The following ALKBH6 variants were observed in gnomAD, a reference collection of about 807,000 sequenced individuals.
The protein encoded by ALKBH6 is probable RNA/DNA demethylase ALKBH6.
A neutral mutation model predicts 25.1 loss-of-function variants in ALKBH6; 20 were observed. The ratio of observed to expected loss-of-function variants is 0.80; its 90% CI spans 0.56 to 1.16. The LOEUF (loss-of-function observed/expected upper bound fraction) is 1.16, where lower values mean the gene tolerates loss of function less well. Ranked by LOEUF, ALKBH6 falls within the 50% of genes most tolerant of loss-of-function variation. The pLI is 0.00. For synonymous variants in ALKBH6, 156 were observed against 147.5 expected (o/e 1.06, Z -0.42); for missense variants, 263 against 326.5 (o/e 0.81, Z 1.50).
At position 36,013,570 on chromosome 19, in the gene ALKBH6, C is replaced by G. The variant is rs181867974; in HGVS notation, c.-25-148G>C. ...TAAAATCTGAGTCTTCAGCATCTTA[C>G]AAGCCACACAGAGAGCCCCTACGTT... On this transcript the variant is annotated intron_variant, in intron 1 of 6. Transcript: ENST00000378875. The surrounding 1 kb of genome is among the most constrained non-coding windows in gnomAD (Gnocchi z 4.6). 5,842 of 1,447,554 alleles carry G rather than the reference C, an allele frequency of 4.0e-3. 28 individuals are homozygous for G. The highest frequency in any genetic ancestry group is 4.7e-3 in the Non-Finnish European group (5,224 of 1,102,746). 89.7% of individuals were successfully genotyped at this position (1,447,554 alleles called of 1,614,324 possible).
rs548004726 is a variant in ALKBH6 at position 36,011,268 on chromosome 19, C to T, written c.184+136G>A. On this transcript the variant is annotated intron_variant, in intron 4 of 6. Transcript: ENST00000378875. The stretch of plus-strand genomic sequence containing the variant: ...CTAATCCCTCAGGACCTCCACTGAC[C>T]CCTTCAGAATCCTCCTGGCTCTTGG... 5.0e-6 allele frequency: 6 copies of T among 1,195,674 alleles called. No homozygotes were observed. In the Admixed American group the frequency reaches 7.2e-5, roughly 14 times the overall value. 74.1% of individuals were successfully genotyped at this position (1,195,674 alleles called of 1,614,324 possible). A position where few individuals can be genotyped will look rare whatever the true frequency, so the allele number is the denominator to read the frequency against.
In ALKBH6 at chr19:36,013,293, C is replaced by A. The variant is rs189486293; in HGVS notation, c.54+51G>T. The A allele has an allele frequency of 7.6e-5, 123 of 1,607,866 alleles. No homozygotes were observed. The highest frequency in any genetic ancestry group is 1.0e-4 in the Non-Finnish European group (117 of 1,174,780). On this transcript the variant is annotated intron_variant, in intron 2 of 6. Coordinates refer to ENST00000378875, the MANE Select transcript of ALKBH6 (RefSeq NM_032878.5). This position sits in a 1 kb window ranked among gnomAD's most constrained non-coding sequence, Gnocchi z 4.6. ...GAAGGGGGCAGTCCCAACCCAAGAA[C>A]TCAGGAATCAGCCTGCCTCCTTCAC...
chr19:36,010,948 G>T lies in ALKBH6; in HGVS notation c.282C>A (p.Gly94=), dbSNP rs778366482. The T allele has an allele frequency of 3.1e-6, 5 of 1,614,094 alleles. No individual in the cohort carries two copies. The highest frequency in any genetic ancestry group is 4.2e-6 in the Non-Finnish European group (5 of 1,179,974). The part of the protein sequence containing the change: ...DKVSNLSLFG[G]LPANHVLVNQ... The stretch of plus-strand genomic sequence containing the variant: ...TCACGAGGACATGGTTAGCTGGGAG[G>T]CCTCCAAAGAGGCTGAGGTTTGACA... Residue 94 remains glycine, a synonymous_variant, in exon 5 of 7, where the codon GGC becomes GGA. Transcript: ENST00000378875. This position sits in a 1 kb window ranked among gnomAD's most constrained non-coding sequence, Gnocchi z 5.5.
chr19:36,012,187 C>A (rs563207909), intron 3 of ALKBH6: 1 of 152,416 alleles, frequency 6.6e-6, no homozygotes, highest in Non-Finnish European at 1.5e-5. Context: ...ATTCCTGATT[C>A]CTGGGCTCTC....
Position 36,009,434 on chromosome 19 carries a change from C to T in ALKBH6, c.573G>A (p.Ala191=), listed in dbSNP as rs1968517907. The T allele has an allele frequency of 6.4e-6, 8 of 1,244,604 alleles. No homozygotes were observed. In the East Asian group the frequency reaches 2.2e-4, roughly 34 times the overall value. 77.1% of individuals were successfully genotyped at this position (1,244,604 alleles called of 1,614,324 possible). A position where few individuals can be genotyped will look rare whatever the true frequency, so the allele number is the denominator to read the frequency against. ...TGGGCGGCGAGGAGGCGGCGTCCAG[C>T]GCGTCTACGCGGGCGGCGGCGATGC... The part of the protein sequence containing the change: ...LHGIAAARVD[A]LDAASSPPNA... Residue 191 remains alanine, a synonymous_variant, in exon 7 of 7, where the codon GCG becomes GCA. Coordinates refer to ENST00000378875, the MANE Select transcript of ALKBH6 (RefSeq NM_032878.5).
At position 36,010,810 on chromosome 19, in the gene ALKBH6, GA is replaced by G; in HGVS notation, c.336+83del. ...TGTTTGGGAGATGTGGCTGCCTAAT[GA>G]GTGAGGGTGGGTACAGAGTCCCCTG... is the stretch of plus-strand genomic sequence containing the variant. On this transcript the variant is annotated intron_variant, in intron 5 of 6. Transcript: ENST00000378875. The surrounding 1 kb of genome is among the most constrained non-coding windows in gnomAD (Gnocchi z 5.5). The G allele has an allele frequency of 6.3e-7, 1 of 1,581,374 alleles. No individual in the cohort carries two copies. Among genetic ancestry groups the G allele is most frequent in the Non-Finnish European group, 8.7e-7 (1 of 1,151,336 alleles).
At chr19:36,009,851 G>A (rs1393461082) in intron 6 of ALKBH6, among the ~76,000 whole-genome samples, 1 of 152,070 alleles carries the variant, frequency 6.6e-6, no homozygotes, top group Non-Finnish European at 1.5e-5. Context: ...ATCTCAAAGG[G>A]GCTGAGGCTG....
chr19:36,010,591 T>G lies in ALKBH6; in HGVS notation c.429A>C (p.Pro143=). ...CCTGTTCTGTAGGGTCATCGTCCTC[T>G]GGCCGCCGCGGCTCGTAGAAGTCCA... ...TVLDFYEPRR[P]EDDDPTEQPR... The change falls in exon 6 of 7, where the codon CCA becomes CCC. Residue 143 remains proline, a synonymous_variant. Transcript: ENST00000378875. The surrounding 1 kb of genome is among the most constrained non-coding windows in gnomAD (Gnocchi z 5.5). The G allele has an allele frequency of 1.2e-6, 2 of 1,613,994 alleles. No homozygotes were observed. Among genetic ancestry groups the G allele is most frequent in the Non-Finnish European group, 1.7e-6 (2 of 1,179,898 alleles).
intron 3 of ALKBH6, chr19:36,012,236 T>C (rs1968630514): frequency 6.6e-6 from 1 of 152,234 alleles, no homozygotes; most frequent in Non-Finnish European, 1.5e-5. Flanking sequence ...TTGTTCCTAT[T>C]GCCTGGGGGA....
In ALKBH6 at chr19:36,010,762, C is replaced by A; in HGVS notation, c.337-79G>T. ...CTGGGTCAAAGGGGGGCTTCCCAAG[C>A]CAGGGACAGGGAGGTGAATGCCTGT... On this transcript the variant is annotated intron_variant, in intron 5 of 6. Transcript: ENST00000378875. The surrounding 1 kb of genome is among the most constrained non-coding windows in gnomAD (Gnocchi z 5.5). 2 of 1,573,476 alleles carry A rather than the reference C, an allele frequency of 1.3e-6. No individual in the cohort carries two copies. The highest frequency in any genetic ancestry group is 1.7e-5 in the Admixed American group (1 of 59,538).
At position 36,010,935 on chromosome 19, in the gene ALKBH6, G is replaced by A. The variant is rs1180755283; in HGVS notation, c.295C>T (p.His99Tyr). Residue 99 changes from histidine to tyrosine, a missense_variant, in exon 5 of 7, where the codon CAT (histidine) becomes TAT (tyrosine). Around this residue, in one of 3 missense-constraint regions of ALKBH6, gnomAD observed 112 missense variants for 153.0 expected, o/e 0.73. Transcript: ENST00000378875. This position sits in a 1 kb window ranked among gnomAD's most constrained non-coding sequence, Gnocchi z 5.5. The stretch of plus-strand genomic sequence containing the variant: ...GGCAGATACTGGTTCACGAGGACAT[G>A]GTTAGCTGGGAGGCCTCCAAAGAGG... The part of the protein sequence containing the change: ...LSLFGGLPAN[H>Y]VLVNQYLPGE... 1.2e-6 allele frequency: 2 copies of A among 1,614,004 alleles called. No individual in the cohort carries two copies. The highest frequency in any genetic ancestry group is 1.7e-6 in the Non-Finnish European group (2 of 1,179,990).
chr19:36,010,843 C>T lies in ALKBH6; in HGVS notation c.336+51G>A, dbSNP rs1968586825. On this transcript the variant is annotated intron_variant, in intron 5 of 6. Transcript: ENST00000378875. This position sits in a 1 kb window ranked among gnomAD's most constrained non-coding sequence, Gnocchi z 5.5. ...GTGGGTACAGAGTCCCCTGCCCCAG[C>T]ACAGCTCAGAAGTCTGAGTGGGGGG... 1 of 1,610,074 alleles carries T rather than the reference C, an allele frequency of 6.2e-7. No homozygotes were observed. Among genetic ancestry groups the T allele is most frequent in the Middle Eastern group, 1.7e-4 (1 of 6,000 alleles).
upstream of ALKBH6, chr19:36,014,219 C>T (rs762105505): frequency 6.2e-7 from 1 of 1,612,884 alleles, no homozygotes; most frequent in Non-Finnish European, 8.5e-7. Context: ...ACATCCCCAT[C>T]CCCCTCCCAG....
chr19:36,013,526 C>G lies in ALKBH6; in HGVS notation c.-25-104G>C. ...GGCCAGGCCTCACCTCAGCCCTCTTCTGAAACGCACTTGGTCTCTAAAATC... is the reference window on the plus strand; with the variant it reads ...GGCCAGGCCTCACCTCAGCCCTCTTGTGAAACGCACTTGGTCTCTAAAATC... On this transcript the variant is annotated intron_variant, in intron 1 of 6. Coordinates refer to ENST00000378875, the MANE Select transcript of ALKBH6 (RefSeq NM_032878.5). The surrounding 1 kb of genome is among the most constrained non-coding windows in gnomAD (Gnocchi z 4.6). 6.6e-7 allele frequency: 1 copy of G among 1,525,298 alleles called. No individual in the cohort carries two copies. Among genetic ancestry groups the G allele is most frequent in the Middle Eastern group, 1.9e-4 (1 of 5,164 alleles). 94.5% of individuals were successfully genotyped at this position (1,525,298 alleles called of 1,614,324 possible).
Position 36,011,011 on chromosome 19 carries a change from C to T in ALKBH6, c.219G>A (p.Glu73=). The change falls in exon 5 of 7, where the codon GAG becomes GAA. Residue 73 remains glutamate, a synonymous_variant. Transcript: ENST00000378875. ...AGCGCTGGAGCCATGGGGGCAGCCGCTCAGGAACCATCCCTCGGGGATGAG... is the reference window on the plus strand; with the variant it reads ...AGCGCTGGAGCCATGGGGGCAGCCGTTCAGGAACCATCCCTCGGGGATGAG... ...GLPHPRGMVP[E]RLPPWLQRYV... 1 of 1,612,906 alleles carries T rather than the reference C, an allele frequency of 6.2e-7. No homozygotes were observed. Among genetic ancestry groups the T allele is most frequent in the Non-Finnish European group, 8.5e-7 (1 of 1,179,456 alleles).
rs1031359414 is a variant in ALKBH6, at chr19:36,010,476, G to A, written c.453+91C>T. 54 of 1,128,954 alleles carry A rather than the reference G, an allele frequency of 4.8e-5. No homozygotes were observed. Among genetic ancestry groups the A allele is most frequent in the Non-Finnish European group, 6.4e-5 (49 of 761,228 alleles). 69.9% of individuals were successfully genotyped at this position (1,128,954 alleles called of 1,614,324 possible). On this transcript the variant is annotated intron_variant, in intron 6 of 6. Transcript: ENST00000378875. This position sits in a 1 kb window ranked among gnomAD's most constrained non-coding sequence, Gnocchi z 5.5. ...GAAGGTATCTGGGAGAGTGCCAGGAGTACCCCGAAGGCATGTGGGACCAGG... is the reference window on the plus strand; with the variant it reads ...GAAGGTATCTGGGAGAGTGCCAGGAATACCCCGAAGGCATGTGGGACCAGG...
In ALKBH6 at chr19:36,013,794, C is replaced by G. The variant is rs1653695601; in HGVS notation, c.-25-372G>C. On this transcript the variant is annotated intron_variant, in intron 1 of 6. Transcript: ENST00000378875. The surrounding 1 kb of genome is among the most constrained non-coding windows in gnomAD (Gnocchi z 4.6). ...AGCCCCTTTAAACACCTTGAGACCC[C>G]GCTTCAGACCTGCAACTGTGAGCCC... 2.4e-6 allele frequency: 3 copies of G among 1,270,794 alleles called. No individual in the cohort carries two copies. The African/African-American group carries it at 4.7e-5, about 20-fold the overall frequency. 78.7% of individuals were successfully genotyped at this position (1,270,794 alleles called of 1,614,324 possible).
Position 36,013,295 on chromosome 19 carries a change from C to T in ALKBH6, c.54+49G>A. The T allele has an allele frequency of 1.2e-6, 2 of 1,608,828 alleles. No homozygotes were observed. Among genetic ancestry groups the T allele is most frequent in the East Asian group, 2.2e-5 (1 of 44,846 alleles). On this transcript the variant is annotated intron_variant, in intron 2 of 6. Coordinates refer to ENST00000378875, the MANE Select transcript of ALKBH6 (RefSeq NM_032878.5). The surrounding 1 kb of genome is among the most constrained non-coding windows in gnomAD (Gnocchi z 4.6). ...AGGGGGCAGTCCCAACCCAAGAACTCAGGAATCAGCCTGCCTCCTTCACCC... is the reference window on the plus strand; with the variant it reads ...AGGGGGCAGTCCCAACCCAAGAACTTAGGAATCAGCCTGCCTCCTTCACCC...
intron 4 of ALKBH6, 177 bp from the exon 5 acceptor site, chr19:36,011,222 T>C: frequency 9.0e-7 from 1 of 1,115,540 alleles, no homozygotes; most frequent in Non-Finnish European, 1.3e-6. Context: ...TTTCAGATAC[T>C]CCCAACTCAT....
Sources: allele counts gnomAD v4.1 joint callset (sites outside exome capture counted in the v4.1 genomes callset), GRCh38; gene constraint gnomAD v4.1.1; regional missense constraint gnomAD v4.1.1; non-coding constraint Gnocchi (gnomAD v3.1); transcripts MANE v1.5; gene names NCBI Gene and HGNC (gene_info 2026-07-23, HGNC 2026-07-21).